INPP5F: variants seen among roughly 807,000 people sequenced by gnomAD.
The protein encoded by INPP5F is phosphatidylinositide 4-phosphatase SAC2.
In INPP5F, 97 loss-of-function variants were observed where a neutral mutation model predicts 137.2. The ratio of observed to expected loss-of-function variants is 0.71; its 90% confidence interval spans 0.60 to 0.84. The LOEUF (loss-of-function observed/expected upper bound fraction) is 0.84, where lower values mean the gene tolerates loss of function less well. Among genes scored for constraint, INPP5F ranks in the 40% least tolerant of loss-of-function variants. The pLI is 0.00. For synonymous variants in INPP5F, 504 were observed against 476.9 expected, an observed-to-expected ratio of 1.06 and a Z score of -0.74; for missense variants, 1,271 against 1,371.9, an observed-to-expected ratio of 0.93 and a Z score of 1.16.
intron 15 of INPP5F, chr10:119,815,162 G>A: frequency 6.6e-6 from 1 of 152,584 alleles, no homozygotes; most frequent in Non-Finnish European, 1.5e-5. Flanking sequence ...ACTGTGCCCA[G>A]CCCTCTACTT....
chr10:119,807,399 C>T (rs1465187515), intron 12 of INPP5F, among the ~76,000 whole-genome samples: 1 of 152,204 alleles, frequency 6.6e-6, no homozygotes, highest in African/African-American at 2.4e-5. Context: ...AGCCCTGGCT[C>T]TACCACATAC....
At position 119,726,151 on chromosome 10, in the gene INPP5F, C is replaced by G. The variant is rs1490351222; in HGVS notation, c.-112C>G. ...CGTTCCCTCTGCCGCTGCTTCTCGG[C>G]GCGGTTCCTACCCGGCCGCTCCCCG... On this transcript the variant is annotated 5_prime_UTR_variant, in exon 1 of 20. Coordinates refer to ENST00000650623, the MANE Select transcript of INPP5F (RefSeq NM_014937.4). The G allele has an allele frequency of 9.1e-6, 5 of 546,734 alleles. No homozygotes were observed. The highest frequency in any genetic ancestry group is 1.4e-5 in the Non-Finnish European group (5 of 357,146). The allele number at this position is 546,734 out of a possible 1,614,324, so 33.9% of individuals were successfully genotyped here.
At chr10:119,754,011 G>A (rs1032756576) in intron 2 of INPP5F, among the ~76,000 whole-genome samples, 2 of 152,140 alleles carry the variant, frequency 1.3e-5, no homozygotes, top group African/African-American at 4.8e-5. Flanking sequence ...TTGTGTGTAT[G>A]TAGGTTAAAA....
chr10:119,804,427 T>TTC (rs1564841895), intron 10 of INPP5F, 130 bp downstream of exon 10: 1 of 783,186 alleles, frequency 1.3e-6, no homozygotes, highest in Non-Finnish European at 1.9e-6. Flanking sequence ...AAAAAGGGTA[T>TTC]CATTCATTTA....
chr10:119,786,101 C>G (rs911792482), intron 3 of INPP5F, among the ~76,000 whole-genome samples: 5 of 152,124 alleles, frequency 3.3e-5, no homozygotes, highest in Non-Finnish European at 7.3e-5. Context: ...ATGTAGGTAC[C>G]AGCTTTTCAC....
rs979280396 is a variant in INPP5F at position 119,748,288 on chromosome 10, G to A, written c.98-2788G>A. 1.3e-5 allele frequency among the ~76,000 whole-genome samples: 2 copies of A among 152,216 alleles called. No individual in the cohort carries two copies. The highest frequency in any genetic ancestry group is 6.5e-5 in the Admixed American group (1 of 15,282). On this transcript the variant is annotated intron_variant, in intron 1 of 19. Coordinates refer to ENST00000650623, the MANE Select transcript of INPP5F (RefSeq NM_014937.4). This position sits in a 1 kb window ranked among gnomAD's most constrained non-coding sequence, Gnocchi z 4.7. ...GGTACTGGGGAATGCAGTGATGCCC[G>A]GAAGCTTGGAGATGCCAGGAACTGC...
chr10:119,778,871 G>A (rs898903919), intron 2 of INPP5F, among the ~76,000 whole-genome samples: 4 of 152,052 alleles, frequency 2.6e-5, no homozygotes, highest in African/African-American at 7.3e-5. Context: ...CCACATTCTG[G>A]TTGATTTGAA....
chr10:119,773,533 G>A (rs1027750111), intron 2 of INPP5F, among the ~76,000 whole-genome samples: 9 of 152,118 alleles, frequency 5.9e-5, no homozygotes, highest in African/African-American at 2.2e-4. Context: ...GGAATCTCCA[G>A]TGTTTATTGT....
chr10:119,783,578 TA>T (rs1849777642), intron 3 of INPP5F, among the ~76,000 whole-genome samples: 1 of 152,172 alleles, frequency 6.6e-6, no homozygotes, highest in Non-Finnish European at 1.5e-5. Flanking sequence ...TTTTTGAGAC[TA>T]GTAGCTGACT....
chr10:119,730,546 T>C (rs1848026995), intron 1 of INPP5F, among the ~76,000 whole-genome samples: 2 of 152,226 alleles, frequency 1.3e-5, no homozygotes, highest in African/African-American at 4.8e-5. Flanking sequence ...CAATCCACTT[T>C]GGGGGAATGC....
chr10:119,781,815 G>A (rs1461254585), intron 3 of INPP5F, 44 bp downstream of exon 3: 1 of 1,486,420 alleles, frequency 6.7e-7, no homozygotes, highest in Admixed American at 1.8e-5. Context: ...TGATATAAAT[G>A]TAATAGCAAA....
chr10:119,788,165 G>A (rs1451245717), intron 3 of INPP5F, among the ~76,000 whole-genome samples: 1 of 152,170 alleles, frequency 6.6e-6, no homozygotes, highest in Non-Finnish European at 1.5e-5. Context: ...ACCAGAGAAG[G>A]AACAATATTT....
intron 2 of INPP5F, among the ~76,000 whole-genome samples, chr10:119,761,942 G>T (rs1047296820): frequency 6.6e-6 from 1 of 152,112 alleles, no homozygotes; most frequent in Admixed American, 6.5e-5. Flanking sequence ...TTGTCCCTTG[G>T]TATGAAGAGG....
intron 6 of INPP5F, among the ~76,000 whole-genome samples, chr10:119,793,211 G>C (rs531944573): frequency 6.6e-6 from 1 of 152,152 alleles, no homozygotes; most frequent in African/African-American, 2.4e-5. Context: ...CTGACGACTT[G>C]AAGTCGTCAT....
At chr10:119,812,085 C>A in intron 15 of INPP5F, 130 bp downstream of exon 15, 1 of 698,964 alleles carries the variant, frequency 1.4e-6, no homozygotes, top group Non-Finnish European at 2.4e-6. Flanking sequence ...CCTCTATGAG[C>A]TGGTAGTGAG....
intron 15 of INPP5F, among the ~76,000 whole-genome samples, chr10:119,818,160 C>T (rs1851362558): frequency 1.3e-5 from 2 of 152,242 alleles, no homozygotes; most frequent in Non-Finnish European, 2.9e-5. Flanking sequence ...CAGACTCCAT[C>T]GTGGCCAGGG....
intron 2 of INPP5F, among the ~76,000 whole-genome samples, chr10:119,752,553 C>A (rs1261092570): frequency 6.7e-6 from 1 of 150,172 alleles, no homozygotes; most frequent in Non-Finnish European, 1.5e-5. Flanking sequence ...CCATTGCACT[C>A]CAGCCTGGGC....
intron 5 of INPP5F, 41 bp from the exon 6 acceptor site, chr10:119,792,116 A>G: frequency 6.2e-7 from 1 of 1,614,096 alleles, no homozygotes; most frequent in South Asian, 1.1e-5. Context: ...GGAAAACTGA[A>G]ATAATGTGTT....
At chr10:119,796,673 C>A in intron 6 of INPP5F, 42 bp from the exon 7 acceptor site, 1 of 1,435,260 alleles carries the variant, frequency 7.0e-7, no homozygotes, top group Non-Finnish European at 9.8e-7. Flanking sequence ...AGTAGCAGTG[C>A]TGTACAGAAT....
Sources: allele counts gnomAD v4.1 joint callset (sites outside exome capture counted in the v4.1 genomes callset), GRCh38; gene constraint gnomAD v4.1.1; non-coding constraint Gnocchi (gnomAD v3.1); transcripts MANE v1.5; gene names NCBI Gene and HGNC (gene_info 2026-07-23, HGNC 2026-07-21).